STX10: variants seen among roughly 807,000 people sequenced by gnomAD.
STX10 encodes syntaxin 10.
Under a neutral mutation model 34.1 loss-of-function variants are expected in STX10, and 35 were observed. The observed-to-expected ratio is 1.03, with a 90% confidence interval of 0.78 to 1.36. The LOEUF is 1.36. Among genes scored for constraint, STX10 ranks in the 40% most tolerant of loss-of-function variants. STX10 has a pLI of 0.00. For synonymous variants in STX10, 155 were observed against 132.9 expected, an observed-to-expected ratio of 1.17 and a Z score of -1.15; for missense variants, 361 against 335.5, an observed-to-expected ratio of 1.08 and a Z score of -0.59.
In STX10 at chr19:13,150,137, A is replaced by G; in HGVS notation, c.35+2T>C. 8.6e-7 allele frequency: 1 copy of G among 1,164,182 alleles called. No individual in the cohort carries two copies. Among genetic ancestry groups the G allele is most frequent in the Non-Finnish European group, 1.3e-6 (1 of 784,632 alleles). 72.1% of individuals were successfully genotyped at this position (1,164,182 alleles called of 1,614,324 possible). A position where few individuals can be genotyped will look rare whatever the true frequency, so the allele number is the denominator to read the frequency against. On this transcript the variant is annotated splice_donor_variant, in intron 1 of 7. Transcript: ENST00000587230. LOFTEE classifies it high-confidence loss of function. The surrounding 1 kb of genome is among the most constrained non-coding windows in gnomAD (Gnocchi z 4.0). Reference sequence around the variant, plus strand: ...CCGCCCTCCCCCGTCGTTGTCACTCACCCTCGGACTACAAAAAAGGGGTCT... The same window carrying G: ...CCGCCCTCCCCCGTCGTTGTCACTCGCCCTCGGACTACAAAAAAGGGGTCT...
At chr19:13,145,438 C>T in intron 4 of STX10, 43 bp from the exon 5 acceptor site, 3 of 1,552,534 alleles carry the variant, frequency 1.9e-6, no homozygotes, top group Non-Finnish European at 2.6e-6. Flanking sequence ...GACCCCAACT[C>T]ACAGCGGGGC....
chr19:13,144,709 A>G, intron 6 of STX10, 38 bp from the exon 7 acceptor site: 1 of 1,613,324 alleles, frequency 6.2e-7, no homozygotes, highest in South Asian at 1.1e-5. Context: ...CAGATGGCCC[A>G]GACACACCAG....
At position 13,150,025 on chromosome 19, in the gene STX10, A is replaced by C; in HGVS notation, c.35+114T>G. ...CTATATACCCCTGCGTGCGCCTCCC[A>C]CTCTGCACCCCGACGGCCTTGCCCA... On this transcript the variant is annotated intron_variant, in intron 1 of 7. Transcript: ENST00000587230. The surrounding 1 kb of genome is among the most constrained non-coding windows in gnomAD (Gnocchi z 4.0). 2 of 1,332,160 alleles carry C rather than the reference A, an allele frequency of 1.5e-6. No individual in the cohort carries two copies. Among genetic ancestry groups the C allele is most frequent in the Non-Finnish European group, 2.1e-6 (2 of 951,810 alleles). 82.5% of individuals were successfully genotyped at this position (1,332,160 alleles called of 1,614,324 possible). A position where few individuals can be genotyped will look rare whatever the true frequency, so the allele number is the denominator to read the frequency against.
chr19:13,148,986 C>A, intron 4 of STX10, 43 bp downstream of exon 4: 1 of 1,555,216 alleles, frequency 6.4e-7, no homozygotes, highest in Middle Eastern at 1.7e-4. Context: ...GGCTTGGTTA[C>A]CCCCAGGGGC....
Position 13,145,288 on chromosome 19 carries a change from C to G in STX10, c.471G>C (p.Gln157His). 6.2e-7 allele frequency: 1 copy of G among 1,610,136 alleles called. No individual in the cohort carries two copies. Among genetic ancestry groups the G allele is most frequent in the Non-Finnish European group, 8.5e-7 (1 of 1,179,858 alleles). Residue 157 changes from glutamine to histidine, a missense_variant and splice_region_variant, in exon 5 of 8, where the codon CAG (glutamine) becomes CAC (histidine). Gln to His is a conservative substitution (Grantham distance 24). Coordinates refer to ENST00000587230, the MANE Select transcript of STX10 (RefSeq NM_003765.3). ...AGATCCACCCCGCTGGCCCCAAAAC[C>G]TGCTGTGTGGCCTGCTGCTCCTCGA... ...RYIEEQQATQQLIMDEQDQQL... is the reference protein window; with the variant it reads ...RYIEEQQATQHLIMDEQDQQL...
intron 4 of STX10, among the ~76,000 whole-genome samples, chr19:13,147,007 C>A: frequency 6.7e-6 from 1 of 148,372 alleles, no homozygotes; most frequent in African/African-American, 2.5e-5. Flanking sequence ...TGGTTCTCAA[C>A]ATATGAAAAA....
intron 4 of STX10, among the ~76,000 whole-genome samples, chr19:13,146,052 C>G (rs2019892127): frequency 1.4e-5 from 2 of 141,684 alleles, no homozygotes; most frequent in Admixed American, 7.0e-5. Flanking sequence ...AAAAAAATTA[C>G]CGGGTGTGGC....
intron 4 of STX10, among the ~76,000 whole-genome samples, chr19:13,145,893 G>A (rs544226449): frequency 2.1e-4 from 32 of 151,884 alleles, no homozygotes; most frequent in East Asian, 1.9e-4. Flanking sequence ...GCTTGGTGGC[G>A]GGTGCCTGTA....
chr19:13,144,924 C>G lies in STX10; in HGVS notation c.472-54G>C, dbSNP rs557599062. 1.0e-4 allele frequency: 158 copies of G among 1,508,926 alleles called. 2 individuals are homozygous for G. The South Asian group carries it at 1.8e-3, about 17-fold the overall frequency. 93.5% of individuals were successfully genotyped at this position (1,508,926 alleles called of 1,614,324 possible). ...TTGAAAACGACCCCAGAAGGCCAGG[C>G]GCTATGGCTTATGACTGTAATCCCA... is the stretch of plus-strand genomic sequence containing the variant. On this transcript the variant is annotated intron_variant, in intron 5 of 7. Transcript: ENST00000587230.
Position 13,144,616 on chromosome 19 carries a change from C to T in STX10, c.634G>A (p.Val212Ile). The T allele has an allele frequency of 6.2e-7, 1 of 1,614,174 alleles. No homozygotes were observed. Among genetic ancestry groups the T allele is most frequent in the Non-Finnish European group, 8.5e-7 (1 of 1,180,018 alleles). Residue 212 changes from valine (V) to isoleucine (I), a missense_variant, in exon 7 of 8, where the codon GTC becomes ATC. Transcript: ENST00000587230. ...MDHTQSRMDG[V>I]LRKLAKVSHM... ...GATACTTTGGCCAACTTCCTGAGGA[C>T]CCCGTCCATGCGGGACTGGGTGTGG...
At position 13,145,351 on chromosome 19, in the gene STX10, C is replaced by G. The variant is rs759667091; in HGVS notation, c.408G>C (p.Leu136=). 3 of 1,612,022 alleles carry G rather than the reference C, an allele frequency of 1.9e-6. No individual in the cohort carries two copies. The highest frequency in any genetic ancestry group is 2.2e-5 in the South Asian group (2 of 91,084). The change falls in exon 5 of 8, where the codon CTG becomes CTC. Residue 136 remains leucine, a synonymous_variant. Coordinates refer to ENST00000587230, the MANE Select transcript of STX10 (RefSeq NM_003765.3). ...KPAAQKSPSD[L]LDASAVSATS... ...TGGCCGAGACTGCGCTGGCATCCAG[C>G]AGGTCGCTGGGTGACTTCTGGGCAG...
Position 13,144,432 on chromosome 19 carries a change from A to G in STX10, c.728T>C (p.Leu243Pro). Residue 243 changes from leucine (L) to proline (P), a missense_variant, in exon 8 of 8, where the codon CTC becomes CCC. Coordinates refer to ENST00000587230, the MANE Select transcript of STX10 (RefSeq NM_003765.3). Reference sequence around the variant, plus strand: ...GGGTCAGAGAGAGAATAGTAAGATGAGAACGAGGAGAAGCACCCCCACTAG... The same window carrying G: ...GGGTCAGAGAGAGAATAGTAAGATGGGAACGAGGAGAAGCACCCCCACTAG... ...AVLVGVLLLV[L>P]ILLFSL 2 of 1,611,874 alleles carry G rather than the reference A, an allele frequency of 1.2e-6. No individual in the cohort carries two copies. Among genetic ancestry groups the G allele is most frequent in the Non-Finnish European group, 1.7e-6 (2 of 1,179,392 alleles).
In STX10 at chr19:13,150,264, C is replaced by T. The variant is rs1035619693; in HGVS notation, c.-91G>A. On this transcript the variant is annotated 5_prime_UTR_variant, in exon 1 of 8. Transcript: ENST00000587230. The surrounding 1 kb of genome is among the most constrained non-coding windows in gnomAD (Gnocchi z 4.0). ...AACCGAGGAGAACGCGCCGCCACCCCCGCCCCCGTCACGCCACCATCGAGA... is the reference window on the plus strand; with the variant it reads ...AACCGAGGAGAACGCGCCGCCACCCTCGCCCCCGTCACGCCACCATCGAGA... The T allele has an allele frequency of 1.8e-5, 12 of 664,958 alleles. No homozygotes were observed. The highest frequency in any genetic ancestry group is 3.0e-5 in the Non-Finnish European group (11 of 361,434). 41.2% of individuals were successfully genotyped at this position (664,958 alleles called of 1,614,324 possible). A position where few individuals can be genotyped will look rare whatever the true frequency, so the allele number is the denominator to read the frequency against.
chr19:13,146,380 A>G (rs1432198190), intron 4 of STX10, among the ~76,000 whole-genome samples: 5 of 152,092 alleles, frequency 3.3e-5, no homozygotes, highest in African/African-American at 1.2e-4. Context: ...GATTACAGGC[A>G]CCTGCCACCA....
rs554988905 is a variant in STX10, at chr19:13,150,027, T to C, written c.35+112A>G. ...ATATACCCCTGCGTGCGCCTCCCAC[T>C]CTGCACCCCGACGGCCTTGCCCAGC... On this transcript the variant is annotated intron_variant, in intron 1 of 7. Transcript: ENST00000587230. The surrounding 1 kb of genome is among the most constrained non-coding windows in gnomAD (Gnocchi z 4.0). The C allele has an allele frequency of 7.5e-7, 1 of 1,336,408 alleles. No individual in the cohort carries two copies. Among genetic ancestry groups the C allele is most frequent in the Non-Finnish European group, 1.0e-6 (1 of 954,194 alleles). 82.8% of individuals were successfully genotyped at this position (1,336,408 alleles called of 1,614,324 possible).
At chr19:13,146,498 G>A (rs1203745592) in intron 4 of STX10, among the ~76,000 whole-genome samples, 1 of 151,778 alleles carries the variant, frequency 6.6e-6, no homozygotes, top group Non-Finnish European at 1.5e-5. Context: ...GCCTCCCAAA[G>A]TGCTGGGATT....
At chr19:13,146,308 A>G (rs931984761) in intron 4 of STX10, among the ~76,000 whole-genome samples, 1 of 152,198 alleles carries the variant, frequency 6.6e-6, no homozygotes, top group South Asian at 2.1e-4. Flanking sequence ...TGCCCAACAC[A>G]TAGTAATGCT....
chr19:13,145,461 TC>T, intron 4 of STX10, 66 bp from the exon 5 acceptor site: 1 of 1,378,192 alleles, frequency 7.3e-7, no homozygotes, highest in African/African-American at 1.4e-5. Flanking sequence ...GTGGGGCAAA[TC>T]CCCACGGTGG....
At position 13,149,722 on chromosome 19, in the gene STX10, G is replaced by A. The variant is rs1295918348; in HGVS notation, c.205+6C>T. 1.2e-6 allele frequency: 2 copies of A among 1,612,978 alleles called. No individual in the cohort carries two copies. On this transcript the variant is annotated splice_donor_region_variant and intron_variant, in intron 2 of 7. Transcript: ENST00000587230. ...TGCCACCCTCTGCCACAAAGCCCCA[G>A]GATATCGATGGTCTCTTCCAGGTCC...
Sources: allele counts gnomAD v4.1 joint callset (sites outside exome capture counted in the v4.1 genomes callset), GRCh38; gene constraint gnomAD v4.1.1; non-coding constraint Gnocchi (gnomAD v3.1); transcripts MANE v1.5; gene names NCBI Gene and HGNC (gene_info 2026-07-23, HGNC 2026-07-21).